INSYN2A: variants seen among roughly 807,000 people sequenced by gnomAD.
INSYN2A encodes inhibitory synaptic factor 2A.
A neutral mutation model predicts 39.4 loss-of-function variants in INSYN2A; 17 were observed. The ratio of observed to expected loss-of-function variants is 0.43; its 90% CI spans 0.30 to 0.65. The LOEUF is 0.65. Among genes scored for constraint, INSYN2A ranks in the 30% least tolerant of loss-of-function variants. The probability of loss-of-function intolerance (pLI) is 0.14; values close to 1 mark genes in which losing one functional copy is unlikely to be tolerated. For synonymous variants in INSYN2A, 255 were observed against 265.7 expected (o/e 0.96, Z 0.39); for missense variants, 595 against 631.2 (o/e 0.94, Z 0.61).
intron 5 of INSYN2A, among the ~76,000 whole-genome samples, chr10:127,141,087 G>A (rs997520989): frequency 3.3e-5 from 5 of 152,150 alleles, no homozygotes; most frequent in Non-Finnish European, 7.3e-5. Context: ...CACCTGAAAC[G>A]CCTTTCTGGG....
intron 5 of INSYN2A, among the ~76,000 whole-genome samples, chr10:127,152,123 G>A (rs538801592): frequency 2.0e-5 from 3 of 152,174 alleles, no homozygotes; most frequent in East Asian, 1.9e-4. Flanking sequence ...GCTTGGTTGC[G>A]TTAAAGACGG....
At chr10:127,153,388 G>A (rs1346244307) in intron 5 of INSYN2A, among the ~76,000 whole-genome samples, 5 of 152,262 alleles carry the variant, frequency 3.3e-5, no homozygotes, top group East Asian at 1.9e-4. Context: ...GATTCTGCCC[G>A]GAGACAGGCA....
At chr10:127,166,474 T>C (rs1315961579) in intron 4 of INSYN2A, among the ~76,000 whole-genome samples, 4 of 152,234 alleles carry the variant, frequency 2.6e-5, no homozygotes, top group Admixed American at 2.6e-4. Context: ...GGCATTAACA[T>C]GTCTTACCAG....
At chr10:127,144,690 A>C (rs1257368100) in intron 5 of INSYN2A, among the ~76,000 whole-genome samples, 1 of 152,218 alleles carries the variant, frequency 6.6e-6, no homozygotes, top group South Asian at 2.1e-4. Context: ...ATATATATGG[A>C]TCTCATCCTA....
At chr10:127,186,111 G>A (rs1297308256) in intron 2 of INSYN2A, among the ~76,000 whole-genome samples, 2 of 152,162 alleles carry the variant, frequency 1.3e-5, no homozygotes, top group African/African-American at 4.8e-5. Flanking sequence ...TGAATCACTG[G>A]CTTTCAGAGG....
intron 4 of INSYN2A, among the ~76,000 whole-genome samples, chr10:127,163,927 C>T (rs1172865079): frequency 6.6e-6 from 1 of 151,470 alleles, no homozygotes; most frequent in African/African-American, 2.4e-5. Context: ...CCTCGCAGCT[C>T]CCCAGATGTG....
At chr10:127,164,415 TC>T (rs2053896907) in intron 4 of INSYN2A, among the ~76,000 whole-genome samples, 1 of 152,042 alleles carries the variant, frequency 6.6e-6, no homozygotes, top group Non-Finnish European at 1.5e-5. Context: ...ACTCCTGACC[TC>T]AGGTGATCCA....
At chr10:127,194,365 A>AT (rs1299594481) in intron 1 of INSYN2A, among the ~76,000 whole-genome samples, 3 of 152,282 alleles carry the variant, frequency 2.0e-5, no homozygotes, top group South Asian at 2.1e-4. Context: ...CAGGACTTCC[A>AT]TTTTTTCTTT....
intron 5 of INSYN2A, among the ~76,000 whole-genome samples, chr10:127,150,378 A>ACCTGT (rs57212715): frequency 0.72 from 108,578 of 151,710 alleles, 43,546 homozygotes; most frequent in South Asian, 0.89. Context: ...GAGGGAAGTG[A>ACCTGT]CCCTGTGTAT....
intron 2 of INSYN2A, among the ~76,000 whole-genome samples, chr10:127,192,214 G>A (rs1376741343): frequency 6.6e-6 from 1 of 152,176 alleles, no homozygotes; most frequent in Non-Finnish European, 1.5e-5. Context: ...GTCTATGGAT[G>A]TGCAATACTT....
chr10:127,160,580 G>A (rs900246377), intron 4 of INSYN2A, among the ~76,000 whole-genome samples: 2 of 152,210 alleles, frequency 1.3e-5, no homozygotes, highest in Non-Finnish European at 2.9e-5. Flanking sequence ...GGAGCAGCAC[G>A]TTGGATAGTG....
At chr10:127,149,518 G>A (rs921136664) in intron 5 of INSYN2A, among the ~76,000 whole-genome samples, 19 of 152,188 alleles carry the variant, frequency 1.2e-4, no homozygotes, top group African/African-American at 4.1e-4. Context: ...TAAAGCCCCA[G>A]GCAGCCGGGT....
At position 127,136,703 on chromosome 10, in the gene INSYN2A, C is replaced by T. The variant is rs1439684505; in HGVS notation, c.*1134G>A. On this transcript the variant is annotated 3_prime_UTR_variant, in exon 6 of 6. Coordinates refer to ENST00000522781, the MANE Select transcript of INSYN2A (RefSeq NM_001039762.3). Reference sequence around the variant, plus strand: ...TGTTGATTTAAAAAATACCTAAAAACATTTGATTCACAGCTTTCCCCTAAG... The same window carrying T: ...TGTTGATTTAAAAAATACCTAAAAATATTTGATTCACAGCTTTCCCCTAAG... The T allele has an allele frequency of 6.6e-6, 1 of 152,608 alleles. No homozygotes were observed. The highest frequency in any genetic ancestry group is 1.5e-5 in the Non-Finnish European group (1 of 68,040). The allele number at this position is 152,608 out of a possible 1,614,324, so 9.5% of individuals were successfully genotyped here.
At chr10:127,169,773 T>C (rs375288779) in intron 4 of INSYN2A, among the ~76,000 whole-genome samples, 23 of 152,216 alleles carry the variant, frequency 1.5e-4, no homozygotes, top group African/African-American at 5.1e-4. Flanking sequence ...CAGATGTCCA[T>C]GAGACTAAGT....
intron 4 of INSYN2A, among the ~76,000 whole-genome samples, chr10:127,155,000 A>G (rs1255282564): frequency 1.3e-5 from 2 of 152,112 alleles, no homozygotes; most frequent in Non-Finnish European, 2.9e-5. Flanking sequence ...TTTTCTGGAT[A>G]TTATTTTGTG....
chr10:127,193,020 A>T (rs1313716074), intron 1 of INSYN2A, among the ~76,000 whole-genome samples: 1 of 152,346 alleles, frequency 6.6e-6, no homozygotes, highest in Non-Finnish European at 1.5e-5. Flanking sequence ...CATGGTAATG[A>T]AAGTGTCGTC....
intron 2 of INSYN2A, among the ~76,000 whole-genome samples, chr10:127,181,778 C>T (rs1406415039): frequency 1.3e-5 from 2 of 152,152 alleles, no homozygotes; most frequent in African/African-American, 4.8e-5. Context: ...TAGAACCTCA[C>T]TCACTAAATG....
intron 4 of INSYN2A, among the ~76,000 whole-genome samples, chr10:127,164,133 C>G (rs181139544): frequency 5.3e-4 from 78 of 147,322 alleles, no homozygotes; most frequent in African/African-American, 1.8e-3. Context: ...CTCCCTTGGC[C>G]CTTTGTCTTC....
intron 2 of INSYN2A, among the ~76,000 whole-genome samples, chr10:127,183,056 C>T (rs976450246): frequency 7.2e-6 from 1 of 138,890 alleles, no homozygotes; most frequent in Non-Finnish European, 1.5e-5. Context: ...CTTTGCCTTC[C>T]TGATTATGGT....
Sources: allele counts gnomAD v4.1 joint callset (sites outside exome capture counted in the v4.1 genomes callset), GRCh38; gene constraint gnomAD v4.1.1; transcripts MANE v1.5; gene names NCBI Gene and HGNC (gene_info 2026-07-23, HGNC 2026-07-21).